The following SLC9B2 variants were observed in gnomAD, a reference collection of about 807,000 sequenced individuals.
SLC9B2 encodes the protein solute carrier family 9 member B2.
In SLC9B2, 39 loss-of-function variants were observed where a neutral mutation model predicts 52.2. The ratio of observed to expected loss-of-function variants is 0.75; its 90% CI spans 0.58 to 0.98. SLC9B2 has a LOEUF of 0.98. SLC9B2 is among the 50% of genes least tolerant of loss of function. The probability of loss-of-function intolerance (pLI) is 0.00; values close to 1 mark genes in which losing one functional copy is unlikely to be tolerated. For synonymous variants in SLC9B2, 214 were observed against 227.0 expected (o/e 0.94, Z 0.51); for missense variants, 626 against 637.5 (o/e 0.98, Z 0.19).
At position 103,043,400 on chromosome 4, in the gene SLC9B2, C is replaced by T. The variant is rs1217529862; in HGVS notation, c.1042G>A (p.Val348Met). The change falls in exon 9 of 12, where the codon GTG (valine) becomes ATG (methionine). Residue 348 changes from valine to methionine, a missense_variant. By Grantham distance (21) the Val-to-Met change is conservative (BLOSUM62 1). Transcript: ENST00000394785. ...KRTFLVLGLS[V>M]LAVFSSVHFG... Reference sequence around the variant, plus strand: ...TGCACACTGCTGAACACAGCTAGCACAGACAACCCCAACACAAGGAATGTT... The same window carrying T: ...TGCACACTGCTGAACACAGCTAGCATAGACAACCCCAACACAAGGAATGTT... The T allele has an allele frequency of 3.1e-6, 5 of 1,613,338 alleles. No homozygotes were observed. The highest frequency in any genetic ancestry group is 3.4e-6 in the Non-Finnish European group (4 of 1,179,744).
chr4:103,029,995 A>C (rs1441389992), intron 10 of SLC9B2, among the ~76,000 whole-genome samples: 1 of 152,124 alleles, frequency 6.6e-6, no homozygotes, highest in East Asian at 1.9e-4. Context: ...CTTTGTTGAA[A>C]GGTATTTCTT....
At chr4:103,033,474 G>A (rs1374135010) in intron 9 of SLC9B2, among the ~76,000 whole-genome samples, 2 of 151,756 alleles carry the variant, frequency 1.3e-5, no homozygotes, top group Non-Finnish European at 2.9e-5. Flanking sequence ...ATTAGGAAGA[G>A]AGGAAGTCAA....
At chr4:103,062,598 A>C (rs1305195494) in intron 3 of SLC9B2, among the ~76,000 whole-genome samples, 1 of 152,122 alleles carries the variant, frequency 6.6e-6, no homozygotes, top group African/African-American at 2.4e-5. Context: ...GAAAACCACA[A>C]ATTTTCACAT....
At chr4:103,033,930 AT>A (rs1479463537) in intron 9 of SLC9B2, among the ~76,000 whole-genome samples, 1 of 152,146 alleles carries the variant, frequency 6.6e-6, no homozygotes, top group Non-Finnish European at 1.5e-5. Flanking sequence ...TACCAATGAC[AT>A]TTTTCACAGA....
chr4:103,058,240 TTTC>T (rs1745326660), intron 3 of SLC9B2, among the ~76,000 whole-genome samples: 3 of 152,218 alleles, frequency 2.0e-5, no homozygotes, highest in Non-Finnish European at 4.4e-5. Context: ...TTATTTTGAC[TTTC>T]TTCACCATTC....
downstream of SLC9B2, chr4:103,020,160 G>A (rs913275175): frequency 8.9e-5 from 26 of 292,942 alleles, 1 homozygote; most frequent in South Asian, 7.2e-4. Flanking sequence ...GTGGTGGTGT[G>A]AGAATAAATG....
downstream of SLC9B2, chr4:103,020,116 T>C (rs966685483): frequency 1.3e-5 from 3 of 238,472 alleles, no homozygotes; most frequent in Middle Eastern, 1.5e-3. Context: ...ATCGTCTCCC[T>C]GAGGTTGTCT....
At position 103,025,421 on chromosome 4, in the gene SLC9B2, A is replaced by G. The variant is rs1422870697; in HGVS notation, c.*949T>C. The G allele has an allele frequency of 1.3e-5, 2 of 152,244 alleles. No individual in the cohort carries two copies. The highest frequency in any genetic ancestry group is 1.9e-4 in the East Asian group (1 of 5,206). 9.4% of individuals were successfully genotyped at this position (152,244 alleles called of 1,614,324 possible). Reference sequence around the variant, plus strand: ...CTAGGGAATGGCAGAGCTTCAGGACAGAAAGACATGGGACTCTGAGCAGAC... The same window carrying G: ...CTAGGGAATGGCAGAGCTTCAGGACGGAAAGACATGGGACTCTGAGCAGAC... On this transcript the variant is annotated 3_prime_UTR_variant, in exon 12 of 12. Transcript: ENST00000394785.
intron 3 of SLC9B2, among the ~76,000 whole-genome samples, chr4:103,062,348 G>C (rs1359559138): frequency 6.6e-6 from 1 of 151,828 alleles, no homozygotes; most frequent in Non-Finnish European, 1.5e-5. Context: ...GAACCCAGGA[G>C]GTGGAGCTTG....
In SLC9B2 at chr4:103,036,007, G is replaced by GTAACTA. The variant is rs1036627305; in HGVS notation, c.1147-4205_1147-4200dup. ...ATTCAAACTATACTACAAGGCTACA[G>GTAACTA]TAACTAAAACAGCAATGGTACTGGT... On this transcript the variant is annotated intron_variant, in intron 9 of 11. Transcript: ENST00000394785. 9.2e-5 allele frequency among the ~76,000 whole-genome samples: 14 copies of GTAACTA among 152,266 alleles called. No homozygotes were observed. In the East Asian group the frequency reaches 1.7e-3, roughly 19 times the overall value.
chr4:103,020,047 A>C, downstream of SLC9B2: 1 of 488,488 alleles, frequency 2.0e-6, no homozygotes, highest in Non-Finnish European at 2.7e-6. Context: ...TCTCCCCAAG[A>C]CGGCCTGAGC....
At chr4:103,033,513 C>A (rs1173734942) in intron 9 of SLC9B2, among the ~76,000 whole-genome samples, 6 of 152,074 alleles carry the variant, frequency 3.9e-5, no homozygotes, top group Non-Finnish European at 5.9e-5. Flanking sequence ...TTATACTATA[C>A]CTGGAAATAC....
At chr4:103,044,093 A>C (rs188618892) in intron 8 of SLC9B2, among the ~76,000 whole-genome samples, 1 of 152,178 alleles carries the variant, frequency 6.6e-6, no homozygotes, top group Non-Finnish European at 1.5e-5. Flanking sequence ...GTAGGTCTTT[A>C]AAAGTGCTTG....
chr4:103,019,868 G>A, downstream of SLC9B2: 1 of 986,336 alleles, frequency 1.0e-6, no homozygotes, highest in South Asian at 4.6e-5. Flanking sequence ...CGTCTCTTCT[G>A]AATATTGACT....
intron 9 of SLC9B2, among the ~76,000 whole-genome samples, chr4:103,036,340 A>C (rs1743171157): frequency 6.6e-6 from 1 of 152,172 alleles, no homozygotes; most frequent in Non-Finnish European, 1.5e-5. Flanking sequence ...CAGGGACACA[A>C]AGAAGGGCAT....
chr4:103,064,091 C>A (rs1358210661), intron 3 of SLC9B2, among the ~76,000 whole-genome samples: 1 of 152,066 alleles, frequency 6.6e-6, no homozygotes, highest in African/African-American at 2.4e-5. Context: ...TATGGAGAGT[C>A]CTCAAAAAAG....
chr4:103,031,925 T>C (rs1742740890), intron 9 of SLC9B2, 117 bp from the exon 10 acceptor site: 1 of 980,292 alleles, frequency 1.0e-6, no homozygotes, highest in Non-Finnish European at 1.5e-6. Flanking sequence ...TTCTGTGCCA[T>C]CTATAACTAA....
intron 3 of SLC9B2, chr4:103,065,661 C>T (rs754318964): frequency 1.2e-4 from 19 of 152,260 alleles, no homozygotes; most frequent in African/African-American, 4.6e-4. Context: ...CATATGCACA[C>T]AATTCATTTC....
intron 4 of SLC9B2, among the ~76,000 whole-genome samples, chr4:103,055,545 A>C (rs1448081121): frequency 6.6e-6 from 1 of 152,152 alleles, no homozygotes; most frequent in Non-Finnish European, 1.5e-5. Flanking sequence ...AGAGATAAAT[A>C]ATTCTACTTC....
Sources: gnomAD v4.1 joint callset for allele counts (sites outside exome capture counted in the v4.1 genomes callset) on GRCh38, gnomAD v4.1.1 for gene constraint, MANE v1.5 for transcripts, NCBI Gene and HGNC (gene_info 2026-07-23, HGNC 2026-07-21) for gene names.